Variants in FNTB observed in about 807,000 individuals in gnomAD.
FNTB encodes farnesyltransferase, CAAX box, subunit beta, also known as protein farnesyltransferase subunit beta.
FNTB carries 27 observed loss-of-function variants against 59.4 expected under a neutral mutation model. That is an observed-to-expected ratio of 0.45 (90% confidence interval 0.34 to 0.63). FNTB has a LOEUF of 0.63. Among genes scored for constraint, FNTB ranks in the 20% least tolerant of loss-of-function variants. The pLI, the probability that FNTB is intolerant of heterozygous loss-of-function variation, is 0.02. For synonymous variants in FNTB, 230 were observed against 220.7 expected (o/e 1.04, Z -0.37); for missense variants, 449 against 559.6 (o/e 0.80, Z 1.99).
Position 65,007,050 on chromosome 14 carries a change from G to A in FNTB, c.209+2737G>A, listed in dbSNP as rs1318805054. On this transcript the variant is annotated intron_variant, in intron 2 of 11. Transcript: ENST00000246166. This position sits in a 1 kb window ranked among gnomAD's most constrained non-coding sequence, Gnocchi z 4.9. ...ACAATTACCCGTTTTTATCATTGTT[G>A]CCTATGAAATTGAGTGTTTTAAAGG... Among the ~76,000 whole-genome samples the A allele has an allele frequency of 6.6e-6, 1 of 152,166 alleles. No homozygotes were observed. Among genetic ancestry groups the A allele is most frequent in the Non-Finnish European group, 1.5e-5 (1 of 68,032 alleles).
At chr14:64,998,358 T>A (rs1322287312) in intron 1 of FNTB, among the ~76,000 whole-genome samples, 1 of 152,216 alleles carries the variant, frequency 6.6e-6, no homozygotes, top group African/African-American at 2.4e-5. Flanking sequence ...TATGTGCATA[T>A]TCAAGGAGGT....
At chr14:65,013,509 A>G (rs537024463) in intron 3 of FNTB, among the ~76,000 whole-genome samples, 1 of 152,306 alleles carries the variant, frequency 6.6e-6, no homozygotes, top group East Asian at 1.9e-4. Flanking sequence ...GTACCATATC[A>G]GCTAACAATT....
Position 65,007,887 on chromosome 14 carries a change from T to C in FNTB, c.209+3574T>C, listed in dbSNP as rs141337298. Among the ~76,000 whole-genome samples, 357 of 152,286 alleles carry C rather than the reference T, an allele frequency of 2.3e-3. 2 individuals are homozygous for C. The highest frequency in any genetic ancestry group is 8.2e-3 in the African/African-American group (341 of 41,570). On this transcript the variant is annotated intron_variant, in intron 2 of 11. Coordinates refer to ENST00000246166, the MANE Select transcript of FNTB (RefSeq NM_002028.4). The surrounding 1 kb of genome is among the most constrained non-coding windows in gnomAD (Gnocchi z 4.9). ...GGGTGCTCCTCAGAAGTGAGAAATA[T>C]TGATAATGTCCCTGTGCTAATAGAG...
chr14:64,987,767 C>T (rs1566858301), intron 1 of FNTB, among the ~76,000 whole-genome samples: 1 of 152,188 alleles, frequency 6.6e-6, no homozygotes, highest in South Asian at 2.1e-4. Flanking sequence ...TAATCATTCC[C>T]TAAGGCCTAG....
chr14:65,013,771 C>T (rs2061723182), intron 3 of FNTB, among the ~76,000 whole-genome samples: 1 of 152,214 alleles, frequency 6.6e-6, no homozygotes, highest in South Asian at 2.1e-4. Flanking sequence ...TGGTCTCGAG[C>T]TCCTGACCTC....
At position 65,032,623 on chromosome 14, in the gene FNTB, G is replaced by A. The variant is rs762864284; in HGVS notation, c.619G>A (p.Ala207Thr). The A allele has an allele frequency of 7.6e-5, 122 of 1,613,640 alleles. No individual in the cohort carries two copies. Among genetic ancestry groups the A allele is most frequent in the Non-Finnish European group, 2.7e-5 (32 of 1,180,000 alleles). ...CTGTCTTTCCAGAAGCGCATACTGT[G>A]CTGCCTCCGTAGCCTCGCTGACCAA... ...GEVDVRSAYC[A>T]ASVASLTNII... Residue 207 changes from alanine to threonine, a missense_variant, in exon 7 of 12, where the codon GCT becomes ACT. Physicochemically the swap from Ala to Thr is moderately conservative, Grantham distance 58. Coordinates refer to ENST00000246166, the MANE Select transcript of FNTB (RefSeq NM_002028.4). This position sits in a 1 kb window ranked among gnomAD's most constrained non-coding sequence, Gnocchi z 5.0.
At chr14:64,987,210 G>A in intron 1 of FNTB, 113 bp downstream of exon 1, 2 of 1,267,564 alleles carry the variant, frequency 1.6e-6, no homozygotes, top group Non-Finnish European at 1.1e-6. Context: ...CTCCCACAGC[G>A]CACCGCGGTG....
Position 65,032,206 on chromosome 14 carries a change from G to A in FNTB, c.606-404G>A, listed in dbSNP as rs1046016601. Reference sequence around the variant, plus strand: ...TGTCAAGGCTGTAAACAGAAATCCTGGCTCTGAAACAGTACTAACATCCAA... The same window carrying A: ...TGTCAAGGCTGTAAACAGAAATCCTAGCTCTGAAACAGTACTAACATCCAA... On this transcript the variant is annotated intron_variant, in intron 6 of 11. Coordinates refer to ENST00000246166, the MANE Select transcript of FNTB (RefSeq NM_002028.4). The surrounding 1 kb of genome is among the most constrained non-coding windows in gnomAD (Gnocchi z 5.0). Among the ~76,000 whole-genome samples, 1 of 152,154 alleles carries A rather than the reference G, an allele frequency of 6.6e-6. No homozygotes were observed. Among genetic ancestry groups the A allele is most frequent in the Non-Finnish European group, 1.5e-5 (1 of 68,040 alleles).
intron 7 of FNTB, among the ~76,000 whole-genome samples, chr14:65,037,329 C>A (rs1292637246): frequency 6.9e-6 from 1 of 144,060 alleles, no homozygotes; most frequent in Non-Finnish European, 1.5e-5. Flanking sequence ...GTCTCGAACT[C>A]CTGACCTCAA....
At chr14:64,987,971 C>T (rs1888018568) in intron 1 of FNTB, among the ~76,000 whole-genome samples, 1 of 152,192 alleles carries the variant, frequency 6.6e-6, no homozygotes, top group South Asian at 2.1e-4. Context: ...AATGAACATT[C>T]TGCTGCTTAC....
At chr14:65,058,357 G>A (rs946268433) in intron 11 of FNTB, among the ~76,000 whole-genome samples, 1 of 151,530 alleles carries the variant, frequency 6.6e-6, no homozygotes, top group African/African-American at 2.4e-5. Context: ...TTTGTTACTA[G>A]TGTATAGAAA....
chr14:64,997,658 T>C lies in FNTB; in HGVS notation c.145-6591T>C, dbSNP rs1344226574. Among the ~76,000 whole-genome samples, 1 of 152,146 alleles carries C rather than the reference T, an allele frequency of 6.6e-6. No individual in the cohort carries two copies. Among genetic ancestry groups the C allele is most frequent in the East Asian group, 1.9e-4 (1 of 5,188 alleles). On this transcript the variant is annotated intron_variant, in intron 1 of 11. Coordinates refer to ENST00000246166, the MANE Select transcript of FNTB (RefSeq NM_002028.4). This position sits in a 1 kb window ranked among gnomAD's most constrained non-coding sequence, Gnocchi z 4.5. Reference sequence around the variant, plus strand: ...GCATAGACTTCAGGTTTAACTACAGTGTTCAACTGAAACAAAGAAGGATGT... The same window carrying C: ...GCATAGACTTCAGGTTTAACTACAGCGTTCAACTGAAACAAAGAAGGATGT...
At chr14:65,005,156 G>T (rs1594998038) in intron 2 of FNTB, among the ~76,000 whole-genome samples, 1 of 152,296 alleles carries the variant, frequency 6.6e-6, no homozygotes, top group East Asian at 1.9e-4. Flanking sequence ...TTTCCTTGGA[G>T]CTTAGCAAGT....
rs755741582 is a variant in FNTB, at chr14:65,027,417, TCTGA to T, written c.375-33_375-30del. 2 of 1,611,476 alleles carry T rather than the reference TCTGA, an allele frequency of 1.2e-6. No individual in the cohort carries two copies. Among genetic ancestry groups the T allele is most frequent in the Non-Finnish European group, 1.7e-6 (2 of 1,178,530 alleles). On this transcript the variant is annotated intron_variant, in intron 4 of 11. Transcript: ENST00000246166. The surrounding 1 kb of genome is among the most constrained non-coding windows in gnomAD (Gnocchi z 5.7). ...ATTTGGTGTTTTGACATGAATGCTC[TCTGA>T]CTTTGTTTTTGCCCTTTGGCTGTGT...
At chr14:65,033,712 C>T (rs1304775086) in intron 7 of FNTB, among the ~76,000 whole-genome samples, 1 of 152,140 alleles carries the variant, frequency 6.6e-6, no homozygotes. Context: ...AAAAAATTAG[C>T]TGGGCATGGT....
In FNTB at chr14:65,046,136, C is replaced by A. The variant is rs142370956; in HGVS notation, c.955+1693C>A. On this transcript the variant is annotated intron_variant, in intron 9 of 11. Coordinates refer to ENST00000246166, the MANE Select transcript of FNTB (RefSeq NM_002028.4). ...GGATTATAGGCATGCACCACCACGCCCAGCCAATTTTGTATTTTTAGTAGA... is the reference window on the plus strand; with the variant it reads ...GGATTATAGGCATGCACCACCACGCACAGCCAATTTTGTATTTTTAGTAGA... 1.6e-3 allele frequency among the ~76,000 whole-genome samples: 245 copies of A among 152,144 alleles called. 1 individual carries two copies. The highest frequency in any genetic ancestry group is 5.9e-3 in the African/African-American group (244 of 41,508).
intron 9 of FNTB, among the ~76,000 whole-genome samples, chr14:65,051,352 G>A (rs1486105218): frequency 2.6e-5 from 4 of 152,240 alleles, no homozygotes; most frequent in Non-Finnish European, 4.4e-5. Flanking sequence ...GCCCATGCCT[G>A]TAATCCCAGT....
At chr14:65,002,049 T>C (rs542166868) in intron 1 of FNTB, among the ~76,000 whole-genome samples, 1 of 152,352 alleles carries the variant, frequency 6.6e-6, no homozygotes, top group African/African-American at 2.4e-5. Context: ...AATTCTTTCA[T>C]GCTTCTCAAA....
rs151315771 is a variant in FNTB at position 65,009,531 on chromosome 14, C to T, written c.210-2786C>T. ...TCAGAGACCTATATTTCGCTAGCTT[C>T]GTACCCATCATTTCTCGCTCAAAGA... On this transcript the variant is annotated intron_variant, in intron 2 of 11. Coordinates refer to ENST00000246166, the MANE Select transcript of FNTB (RefSeq NM_002028.4). The surrounding 1 kb of genome is among the most constrained non-coding windows in gnomAD (Gnocchi z 4.2). 1.9e-3 allele frequency among the ~76,000 whole-genome samples: 283 copies of T among 152,210 alleles called. No individual in the cohort carries two copies. Among genetic ancestry groups the T allele is most frequent in the Middle Eastern group, 0.01 (3 of 294 alleles).
Sources: allele counts gnomAD v4.1 joint callset (sites outside exome capture counted in the v4.1 genomes callset), GRCh38; gene constraint gnomAD v4.1.1; non-coding constraint Gnocchi (gnomAD v3.1); transcripts MANE v1.5; gene names NCBI Gene and HGNC (gene_info 2026-07-23, HGNC 2026-07-21).